Variants in EXOC1 observed in about 807,000 individuals in gnomAD.
EXOC1 encodes the protein SEC3-like 1.
A neutral mutation model predicts 107.7 loss-of-function variants in EXOC1; 67 were observed. The ratio of observed to expected loss-of-function variants is 0.62; its 90% CI spans 0.51 to 0.76. The LOEUF (loss-of-function observed/expected upper bound fraction) is 0.76. Ranked by LOEUF, EXOC1 falls within the 30% of genes least tolerant of loss-of-function variation. The pLI, the probability that EXOC1 is intolerant of heterozygous loss-of-function variation, is 0.00. For missense variants in EXOC1, 833 were observed against 1,055.7 expected (o/e 0.79, Z 2.92); for synonymous variants, 348 against 353.5 (o/e 0.98, Z 0.17).
chr4:55,854,987 G>C (rs1000723273), intron 1 of EXOC1, among the ~76,000 whole-genome samples: 2 of 152,206 alleles, frequency 1.3e-5, no homozygotes, highest in African/African-American at 4.8e-5. Flanking sequence ...TTTGGATTAA[G>C]ATCTTCATTG....
At chr4:55,877,442 G>C in intron 8 of EXOC1, 1 of 985,260 alleles carries the variant, frequency 1.0e-6, no homozygotes, top group African/African-American at 1.7e-5. Context: ...CCAATTCCAA[G>C]CTCTAAGACT....
At chr4:55,885,087 T>G (rs997346920) in intron 10 of EXOC1, among the ~76,000 whole-genome samples, 1 of 152,220 alleles carries the variant, frequency 6.6e-6, no homozygotes, top group Non-Finnish European at 1.5e-5. Context: ...TATATCCCTG[T>G]TAATGTTTCA....
At chr4:55,862,368 T>C (rs1289133756) in intron 3 of EXOC1, among the ~76,000 whole-genome samples, 1 of 152,158 alleles carries the variant, frequency 6.6e-6, no homozygotes, top group Non-Finnish European at 1.5e-5. Flanking sequence ...ATGCTATATA[T>C]GGATATAAAA....
chr4:55,879,244 C>A (rs1366565697), intron 9 of EXOC1, among the ~76,000 whole-genome samples: 1 of 152,148 alleles, frequency 6.6e-6, no homozygotes, highest in Middle Eastern at 3.2e-3. Context: ...AGGAGACAGA[C>A]AGACAAAAAA....
chr4:55,896,618 T>C, intron 15 of EXOC1, 99 bp from the exon 16 acceptor site: 1 of 910,612 alleles, frequency 1.1e-6, no homozygotes, highest in Admixed American at 3.2e-5. Flanking sequence ...ATGATATCTA[T>C]GTATATATCT....
chr4:55,883,161 G>A (rs971380069), intron 9 of EXOC1: 2 of 152,054 alleles, frequency 1.3e-5, no homozygotes, highest in African/African-American at 4.8e-5. Context: ...AAGTTCTTAT[G>A]GAAAATAACC....
intron 11 of EXOC1, among the ~76,000 whole-genome samples, chr4:55,889,510 A>G (rs1724269680): frequency 6.6e-6 from 1 of 152,142 alleles, no homozygotes; most frequent in South Asian, 2.1e-4. Flanking sequence ...ATTTTACCTA[A>G]ACACAGATGT....
chr4:55,874,379 A>G (rs961443409), intron 8 of EXOC1, among the ~76,000 whole-genome samples: 1 of 152,192 alleles, frequency 6.6e-6, no homozygotes, highest in African/African-American at 2.4e-5. Context: ...TTAAAAAGAA[A>G]TACTATTATC....
intron 6 of EXOC1, 65 bp from the exon 7 acceptor site, chr4:55,871,036 A>G (rs899452936): frequency 6.3e-7 from 1 of 1,590,160 alleles, no homozygotes. Context: ...ATAGGACTGA[A>G]TAGCATCTTG....
At chr4:55,903,318 C>G (rs1726215217) in intron 18 of EXOC1, among the ~76,000 whole-genome samples, 2 of 151,926 alleles carry the variant, frequency 1.3e-5, no homozygotes, top group East Asian at 3.9e-4. Context: ...TTGAAAGGCC[C>G]AGATATGAGT....
chr4:55,870,585 A>G (rs1722332256), intron 5 of EXOC1, 93 bp from the exon 6 acceptor site: 7 of 1,240,184 alleles, frequency 5.6e-6, no homozygotes, highest in Non-Finnish European at 6.8e-6. Context: ...ATTTAGCAAC[A>G]TTTCACCTTT....
At chr4:55,855,632 C>G (rs1720892967) in intron 1 of EXOC1, among the ~76,000 whole-genome samples, 1 of 152,128 alleles carries the variant, frequency 6.6e-6, no homozygotes, top group South Asian at 2.1e-4. Flanking sequence ...GTAGAAATTA[C>G]TCTTTGCGTG....
rs560225365 is a variant in EXOC1, at chr4:55,896,933, T to G, written c.2137+33T>G. 8.4e-5 allele frequency: 128 copies of G among 1,525,032 alleles called. No homozygotes were observed. In the South Asian group the frequency reaches 1.3e-3, roughly 16 times the overall value. The allele number at this position is 1,525,032 out of a possible 1,614,324, so 94.5% of individuals were successfully genotyped here. A position where few individuals can be genotyped will look rare whatever the true frequency, so the allele number is the denominator to read the frequency against. ...TTTGTTATGTTCTAAAGAATTGTTA[T>G]AGCTATTGTTTTTATTTCTGGTAAC... On this transcript the variant is annotated intron_variant, in intron 16 of 18. Transcript: ENST00000381295.
chr4:55,858,449 T>G lies in EXOC1; in HGVS notation c.124+2T>G, dbSNP rs1302308846. The G allele has an allele frequency of 1.3e-6, 2 of 1,586,076 alleles. No individual in the cohort carries two copies. The highest frequency in any genetic ancestry group is 2.7e-5 in the African/African-American group (2 of 73,566). On this transcript the variant is annotated splice_donor_variant, in intron 2 of 18. Coordinates refer to ENST00000381295, the MANE Select transcript of EXOC1 (RefSeq NM_001024924.2). LOFTEE classifies it high-confidence loss of function. Reference sequence around the variant, plus strand: ...AGAACTGTTTTTTATGTGCCACAGGTGGGTATTTAGTAAGAAAGAGTACTT... The same window carrying G: ...AGAACTGTTTTTTATGTGCCACAGGGGGGTATTTAGTAAGAAAGAGTACTT...
intron 1 of EXOC1, among the ~76,000 whole-genome samples, chr4:55,855,490 G>C (rs1322019012): frequency 6.6e-6 from 1 of 152,190 alleles, no homozygotes; most frequent in African/African-American, 2.4e-5. Context: ...TAAATGCCTA[G>C]TTTGTCAAGT....
chr4:55,890,066 G>T (rs532400228), intron 11 of EXOC1, among the ~76,000 whole-genome samples, 157 bp from the exon 12 acceptor site: 2 of 152,200 alleles, frequency 1.3e-5, no homozygotes, highest in South Asian at 4.1e-4. Context: ...GGAAGATAAG[G>T]AAACTATACC....
intron 9 of EXOC1, among the ~76,000 whole-genome samples, chr4:55,881,558 T>C (rs1273060756): frequency 6.6e-6 from 1 of 152,032 alleles, no homozygotes; most frequent in East Asian, 1.9e-4. Flanking sequence ...TAGGGAGACA[T>C]GGGACGTCAA....
At chr4:55,900,456 A>C (rs940179273) in intron 17 of EXOC1, 1 of 151,910 alleles carries the variant, frequency 6.6e-6, no homozygotes, top group African/African-American at 2.4e-5. Flanking sequence ...CATTTCCCAG[A>C]GTAAGTCTGT....
intron 2 of EXOC1, among the ~76,000 whole-genome samples, chr4:55,859,366 G>A (rs142103103): frequency 1.6e-4 from 25 of 151,912 alleles, no homozygotes; most frequent in African/African-American, 6.0e-4. Flanking sequence ...CCTGAGTATT[G>A]GTTTATTCTT....
Sources: gnomAD v4.1 joint callset for allele counts (sites outside exome capture counted in the v4.1 genomes callset) on GRCh38, gnomAD v4.1.1 for gene constraint, MANE v1.5 for transcripts, NCBI Gene and HGNC (gene_info 2026-07-23, HGNC 2026-07-21) for gene names.